The following PKD1L3 variants were observed in gnomAD, a reference collection of about 807,000 sequenced individuals.
PKD1L3 encodes the protein polycystin 1 like 3, transient receptor potential channel interacting, also known as polycystin-1-like protein 3.
Under a neutral mutation model 184.1 loss-of-function variants are expected in PKD1L3, and 239 were observed. The observed-to-expected ratio is 1.30, with a 90% CI of 1.17 to 1.45. The LOEUF (loss-of-function observed/expected upper bound fraction) is 1.45, where lower values mean the gene tolerates loss of function less well. Ranked by LOEUF, PKD1L3 falls within the 40% of genes most tolerant of loss-of-function variation. The probability of loss-of-function intolerance (pLI) is 0.00; values close to 1 mark genes in which losing one functional copy is unlikely to be tolerated. For synonymous variants in PKD1L3, 996 were observed against 778.8 expected (o/e 1.28, Z -4.64); for missense variants, 2,660 against 2,067.2 (o/e 1.29, Z -5.56).
At chr16:71,964,092 C>T (rs1327882424) in intron 15 of PKD1L3, among the ~76,000 whole-genome samples, 3 of 149,526 alleles carry the variant, frequency 2.0e-5, no homozygotes, top group Non-Finnish European at 4.4e-5. Context: ...GAGCCATAGG[C>T]CCTGAGAGCT....
chr16:71,993,680 C>G (rs7195072), intron 2 of PKD1L3, among the ~76,000 whole-genome samples: 47,222 of 152,156 alleles, frequency 0.31, 10,616 homozygotes, highest in African/African-American at 0.64. Flanking sequence ...AGTTTGCAAC[C>G]TCCAGCATAA....
intron 16 of PKD1L3, among the ~76,000 whole-genome samples, chr16:71,962,521 C>T (rs1259135691): frequency 6.6e-6 from 1 of 152,140 alleles, no homozygotes; most frequent in Non-Finnish European, 1.5e-5. Flanking sequence ...TGGAGTTTCG[C>T]TCCGTTGCCC....
rs954167964 is a variant in PKD1L3 at position 71,993,328 on chromosome 16, G to C, written c.423C>G (p.Asp141Glu). 14 of 1,541,626 alleles carry C rather than the reference G, an allele frequency of 9.1e-6. No individual in the cohort carries two copies. The highest frequency in any genetic ancestry group is 1.1e-5 in the Non-Finnish European group (12 of 1,141,200). The change falls in exon 3 of 30, where the codon GAC becomes GAG. Residue 141 changes from aspartate to glutamate, a missense_variant. Physicochemically the swap from Asp to Glu is conservative, Grantham distance 45 (BLOSUM62 2). Transcript: ENST00000620267. Reference sequence around the variant, plus strand: ...CATAATGGGCATCTCCGTCCAAAAAGTCACCTATTTGAAAGCCAACACACA... The same window carrying C: ...CATAATGGGCATCTCCGTCCAAAAACTCACCTATTTGAAAGCCAACACACA... The part of the protein sequence containing the change: ...LKYYFICQTG[D>E]FLDGDAHYER...
At chr16:71,996,621 G>A (rs1280250205) in intron 2 of PKD1L3, among the ~76,000 whole-genome samples, 1 of 151,984 alleles carries the variant, frequency 6.6e-6, no homozygotes, top group Non-Finnish European at 1.5e-5. Flanking sequence ...CTTAGACCCC[G>A]ACAACCACTA....
intron 2 of PKD1L3, among the ~76,000 whole-genome samples, chr16:71,996,369 T>C (rs1445111913): frequency 2.0e-5 from 3 of 148,482 alleles, no homozygotes; most frequent in Non-Finnish European, 4.4e-5. Context: ...CAAGCGATTC[T>C]CCTGCCTCAG....
chr16:71,979,601 T>C (rs2040070371), intron 9 of PKD1L3, among the ~76,000 whole-genome samples, 185 bp downstream of exon 9: 1 of 152,252 alleles, frequency 6.6e-6, no homozygotes, highest in Admixed American at 6.5e-5. Flanking sequence ...TCCCAACTTC[T>C]ACAGTGGATC....
intron 24 of PKD1L3, among the ~76,000 whole-genome samples, chr16:71,941,660 C>A (rs1326907092): frequency 6.8e-6 from 1 of 147,586 alleles, no homozygotes; most frequent in Non-Finnish European, 1.5e-5. Context: ...TCTCAGCTCA[C>A]TGCAACCTCC....
At chr16:71,945,207 C>T (rs2038520780) in intron 22 of PKD1L3, among the ~76,000 whole-genome samples, 1 of 140,174 alleles carries the variant, frequency 7.1e-6, no homozygotes, top group Non-Finnish European at 1.5e-5. Flanking sequence ...TAGGAATCAT[C>T]TGGGAATTTT....
In PKD1L3 at chr16:71,993,341, A is replaced by T; in HGVS notation, c.419-9T>A. The T allele has an allele frequency of 1.3e-6, 2 of 1,500,622 alleles. No individual in the cohort carries two copies. 93.0% of individuals were successfully genotyped at this position (1,500,622 alleles called of 1,614,324 possible). On this transcript the variant is annotated splice_polypyrimidine_tract_variant and intron_variant, in intron 2 of 29. Coordinates refer to ENST00000620267, the MANE Select transcript of PKD1L3 (RefSeq NM_181536.2). ...TCCGTCCAAAAAGTCACCTATTTGAAAGCCAACACACAAGTTAATTTATAG... is the reference window on the plus strand; with the variant it reads ...TCCGTCCAAAAAGTCACCTATTTGATAGCCAACACACAAGTTAATTTATAG...
Position 72,000,009 on chromosome 16 carries a change from G to T in PKD1L3, c.-31C>A, listed in dbSNP as rs1048266126. ...CTGAATTGTAGCAAGAAAAAGTGTG[G>T]GGGTTTAGCAGCTGCCTGGTCCTTT... is the stretch of plus-strand genomic sequence containing the variant. On this transcript the variant is annotated 5_prime_UTR_variant, in exon 1 of 30. Transcript: ENST00000620267. The T allele has an allele frequency of 1.4e-6, 2 of 1,470,272 alleles. No homozygotes were observed. The highest frequency in any genetic ancestry group is 1.8e-6 in the Non-Finnish European group (2 of 1,101,534). The allele number at this position is 1,470,272 out of a possible 1,614,324, so 91.1% of individuals were successfully genotyped here.
At chr16:71,958,161 G>A (rs2039119849) in intron 16 of PKD1L3, among the ~76,000 whole-genome samples, 1 of 152,050 alleles carries the variant, frequency 6.6e-6, no homozygotes, top group African/African-American at 2.4e-5. Flanking sequence ...GCCGAGGCGG[G>A]CGGATCACGA....
intron 12 of PKD1L3, among the ~76,000 whole-genome samples, chr16:71,972,041 C>A (rs886906787): frequency 6.6e-6 from 1 of 151,934 alleles, no homozygotes; most frequent in Admixed American, 6.6e-5. Flanking sequence ...ACGGTGAAAC[C>A]CTGTCTCTAA....
intron 28 of PKD1L3, 142 bp downstream of exon 28, chr16:71,933,278 A>G (rs571464962): frequency 1.5e-6 from 1 of 668,196 alleles, no homozygotes; most frequent in Non-Finnish European, 2.7e-6. Context: ...AGGCAGTACC[A>G]TAAAGCAGTA....
intron 11 of PKD1L3, among the ~76,000 whole-genome samples, chr16:71,976,252 T>A (rs1225815445): frequency 7.0e-6 from 1 of 143,230 alleles, no homozygotes. Context: ...AGCCACTGAG[T>A]GCCCAGCCTG....
At chr16:71,964,528 G>A (rs577272219) in intron 15 of PKD1L3, among the ~76,000 whole-genome samples, 4 of 151,050 alleles carry the variant, frequency 2.6e-5, no homozygotes, top group Non-Finnish European at 5.9e-5. Context: ...TAGTAGAGAT[G>A]GGGTTTCACT....
In PKD1L3 at chr16:71,933,548, G is replaced by A. The variant is rs756555105; in HGVS notation, c.4825-27C>T. The A allele has an allele frequency of 2.2e-5, 32 of 1,469,258 alleles. No homozygotes were observed. In the East Asian group the frequency reaches 6.4e-4, roughly 29 times the overall value. 91.0% of individuals were successfully genotyped at this position (1,469,258 alleles called of 1,614,324 possible). A position where few individuals can be genotyped will look rare whatever the true frequency, so the allele number is the denominator to read the frequency against. Reference sequence around the variant, plus strand: ...TGAACAGAAGGAGAAAGGCCAGTTAGTGCAAGCCGAGCGCACATCTTTCTA... The same window carrying A: ...TGAACAGAAGGAGAAAGGCCAGTTAATGCAAGCCGAGCGCACATCTTTCTA... On this transcript the variant is annotated intron_variant, in intron 27 of 29. Coordinates refer to ENST00000620267, the MANE Select transcript of PKD1L3 (RefSeq NM_181536.2).
At chr16:71,990,085 CAA>C (rs34692174) in intron 4 of PKD1L3, among the ~76,000 whole-genome samples, 193 bp downstream of exon 4, 52,041 of 118,726 alleles carry the variant, frequency 0.44, 9,828 homozygotes, top group East Asian at 0.5. Context: ...TCTCTCCCAC[CAA>C]AAAAAAAAAA....
intron 3 of PKD1L3, among the ~76,000 whole-genome samples, chr16:71,992,835 T>C (rs546290225): frequency 2.0e-5 from 3 of 152,360 alleles, no homozygotes; most frequent in South Asian, 2.1e-4. Flanking sequence ...TCCACCGATA[T>C]TGATTGCCGT....
intron 16 of PKD1L3, among the ~76,000 whole-genome samples, chr16:71,957,315 C>T (rs781054764): frequency 5.3e-5 from 8 of 151,948 alleles, no homozygotes; most frequent in East Asian, 1.9e-4. Flanking sequence ...AGATACAATA[C>T]GTATAGAAAA....
Sources: gnomAD v4.1 joint callset for allele counts (sites outside exome capture counted in the v4.1 genomes callset) on GRCh38, gnomAD v4.1.1 for gene constraint, MANE v1.5 for transcripts, NCBI Gene and HGNC (gene_info 2026-07-23, HGNC 2026-07-21) for gene names.